The following AGPAT4 variants were observed in gnomAD, a reference collection of about 807,000 sequenced individuals.
AGPAT4 encodes 1-acylglycerol-3-phosphate O-acyltransferase 4, also known as 1-acyl-sn-glycerol-3-phosphate acyltransferase delta.
AGPAT4 carries 15 observed loss-of-function variants against 48.0 expected under a neutral mutation model. The observed-to-expected ratio is 0.31, with a 90% CI of 0.21 to 0.48. The LOEUF is 0.48. Ranked by LOEUF, AGPAT4 falls within the 20% of genes least tolerant of loss-of-function variation. The pLI is 0.99. For synonymous variants in AGPAT4, 178 were observed against 198.7 expected (o/e 0.90, Z 0.88); for missense variants, 314 against 482.5 (o/e 0.65, Z 3.27).
In AGPAT4 at chr6:161,139,751, A is replaced by C; in HGVS notation, c.844-131T>G. 3 of 727,784 alleles carry C rather than the reference A, an allele frequency of 4.1e-6. No homozygotes were observed. Among genetic ancestry groups the C allele is most frequent in the Non-Finnish European group, 6.7e-6 (3 of 449,864 alleles). The allele number at this position is 727,784 out of a possible 1,614,324, so 45.1% of individuals were successfully genotyped here. A position where few individuals can be genotyped will look rare whatever the true frequency, so the allele number is the denominator to read the frequency against. On this transcript the variant is annotated intron_variant, in intron 7 of 8. Coordinates refer to ENST00000320285, the MANE Select transcript of AGPAT4 (RefSeq NM_020133.3). The surrounding 1 kb of genome is among the most constrained non-coding windows in gnomAD (Gnocchi z 9.1). ...GGGGCTCGGCAGAACTGGGGTCTGC[A>C]GCTCCTTCCAGAAAGCACTTTGTAG...
rs1245719077 is a variant in AGPAT4 at position 161,259,929 on chromosome 6, C to T, written c.-90+14009G>A. The stretch of plus-strand genomic sequence containing the variant: ...TGAGTCACATCCTGGTTCTTGCTTC[C>T]CTTCTCAGACCCATCCAGGAGTTGC... On this transcript the variant is annotated intron_variant, in intron 1 of 8. Transcript: ENST00000320285. This position sits in a 1 kb window ranked among gnomAD's most constrained non-coding sequence, Gnocchi z 4.9. Among the ~76,000 whole-genome samples the T allele has an allele frequency of 1.3e-5, 2 of 152,192 alleles. No individual in the cohort carries two copies. Among genetic ancestry groups the T allele is most frequent in the African/African-American group, 4.8e-5 (2 of 41,450 alleles).
chr6:161,219,966 A>ACAGG lies in AGPAT4; in HGVS notation c.178+12066_178+12069dup, dbSNP rs200357662. ...GGCAGGCAGACAGACAGACAGACAG[A>ACAGG]CAGGCAGGCAGATAGATACATTTAA... On this transcript the variant is annotated intron_variant, in intron 2 of 8. Coordinates refer to ENST00000320285, the MANE Select transcript of AGPAT4 (RefSeq NM_020133.3). The surrounding 1 kb of genome is among the most constrained non-coding windows in gnomAD (Gnocchi z 4.9). 4.6e-5 allele frequency among the ~76,000 whole-genome samples: 7 copies of ACAGG among 150,736 alleles called. No individual in the cohort carries two copies. The highest frequency in any genetic ancestry group is 2.1e-4 in the South Asian group (1 of 4,778).
rs1391281472 is a variant in AGPAT4, at chr6:161,242,039, G to C, written c.-89-9737C>G. 1.3e-5 allele frequency among the ~76,000 whole-genome samples: 2 copies of C among 152,176 alleles called. No homozygotes were observed. The highest frequency in any genetic ancestry group is 4.8e-5 in the African/African-American group (2 of 41,454). On this transcript the variant is annotated intron_variant, in intron 1 of 8. Transcript: ENST00000320285. The surrounding 1 kb of genome is among the most constrained non-coding windows in gnomAD (Gnocchi z 5.0). ...TGAGCCACAGCACCTGGCCAAAAAT[G>C]TTTACAGTTAAACATCATAGGGCTT...
chr6:161,149,334 C>T lies in AGPAT4; in HGVS notation c.665-45G>A. 1.3e-6 allele frequency: 2 copies of T among 1,545,670 alleles called. No homozygotes were observed. Among genetic ancestry groups the T allele is most frequent in the South Asian group, 1.2e-5 (1 of 82,240 alleles). The stretch of plus-strand genomic sequence containing the variant: ...TACAAAGCAGTATATAGCGTGTGAA[C>T]CCAATTTTGTTCTGTAGATACACAC... On this transcript the variant is annotated intron_variant, in intron 5 of 8. Transcript: ENST00000320285. The surrounding 1 kb of genome is among the most constrained non-coding windows in gnomAD (Gnocchi z 6.5).
chr6:161,207,435 T>C (rs935508224), intron 2 of AGPAT4, among the ~76,000 whole-genome samples: 1 of 152,148 alleles, frequency 6.6e-6, no homozygotes, highest in African/African-American at 2.4e-5. Flanking sequence ...GGCCATGCTG[T>C]GAAGATGCTA....
chr6:161,236,352 C>T lies in AGPAT4; in HGVS notation c.-89-4050G>A, dbSNP rs1344956876. Among the ~76,000 whole-genome samples the T allele has an allele frequency of 2.0e-5, 3 of 152,120 alleles. No homozygotes were observed. The East Asian group carries it at 5.8e-4, about 29-fold the overall frequency. The stretch of plus-strand genomic sequence containing the variant: ...TGACAAAGTAAAGATGATGTATTGC[C>T]TTTTTCTGGGTTTTGGTACTCATGA... On this transcript the variant is annotated intron_variant, in intron 1 of 8. Transcript: ENST00000320285. The surrounding 1 kb of genome is among the most constrained non-coding windows in gnomAD (Gnocchi z 5.0).
rs1779172854 is a variant in AGPAT4 at position 161,139,233 on chromosome 6, G to A, written c.1042+189C>T. Among the ~76,000 whole-genome samples the A allele has an allele frequency of 6.6e-6, 1 of 152,180 alleles. No homozygotes were observed. The highest frequency in any genetic ancestry group is 2.1e-4 in the South Asian group (1 of 4,826). The stretch of plus-strand genomic sequence containing the variant: ...GGCTGGACCGTCCAGGCTGCGGAGG[G>A]GGTCCCAGGCCTGGTATTCGAGGGC... On this transcript the variant is annotated intron_variant, in intron 8 of 8. Transcript: ENST00000320285. The surrounding 1 kb of genome is among the most constrained non-coding windows in gnomAD (Gnocchi z 9.1).
rs1293871211 is a variant in AGPAT4 at position 161,154,383 on chromosome 6, G to T, written c.349-73C>A. The T allele has an allele frequency of 3.2e-6, 5 of 1,574,784 alleles. No homozygotes were observed. In the African/African-American group the frequency reaches 5.4e-5, roughly 17 times the overall value. On this transcript the variant is annotated intron_variant, in intron 3 of 8. Transcript: ENST00000320285. The surrounding 1 kb of genome is among the most constrained non-coding windows in gnomAD (Gnocchi z 7.8). ...CCACCTGCCGGGGCTGTTGGAGACT[G>T]AAGTAGAAAAAGAGGAGGGGACGTT...
In AGPAT4 at chr6:161,219,953, GACAGA is replaced by G. The variant is rs1781788243; in HGVS notation, c.178+12078_178+12082del. On this transcript the variant is annotated intron_variant, in intron 2 of 8. Transcript: ENST00000320285. The surrounding 1 kb of genome is among the most constrained non-coding windows in gnomAD (Gnocchi z 4.9). ...AGGCAGGCAGGCAGGCAGGCAGACAGACAGACAGACAGACAGGCAGGCAGATAGAT... is the reference window on the plus strand; with the variant it reads ...AGGCAGGCAGGCAGGCAGGCAGACAGCAGACAGACAGGCAGGCAGATAGAT... Among the ~76,000 whole-genome samples, 2 of 151,926 alleles carry G rather than the reference GACAGA, an allele frequency of 1.3e-5. No homozygotes were observed. Among genetic ancestry groups the G allele is most frequent in the Non-Finnish European group, 2.9e-5 (2 of 67,988 alleles).
At position 161,138,063 on chromosome 6, in the gene AGPAT4, G is replaced by C. The variant is rs1172011784; in HGVS notation, c.1042+1359C>G. 6.6e-6 allele frequency among the ~76,000 whole-genome samples: 1 copy of C among 152,186 alleles called. No individual in the cohort carries two copies. The highest frequency in any genetic ancestry group is 1.5e-5 in the Non-Finnish European group (1 of 68,030). On this transcript the variant is annotated intron_variant, in intron 8 of 8. Coordinates refer to ENST00000320285, the MANE Select transcript of AGPAT4 (RefSeq NM_020133.3). This position sits in a 1 kb window ranked among gnomAD's most constrained non-coding sequence, Gnocchi z 4.8. ...CTTGCTGTTGCCTGCTATTGAAGCA[G>C]AAGGGTTGAGCTTGCCCCCGCCCTA...
rs1779243016 is a variant in AGPAT4, at chr6:161,141,309, A to G, written c.844-1689T>C. Among the ~76,000 whole-genome samples the G allele has an allele frequency of 6.6e-6, 1 of 152,000 alleles. No individual in the cohort carries two copies. The highest frequency in any genetic ancestry group is 1.5e-5 in the Non-Finnish European group (1 of 68,008). On this transcript the variant is annotated intron_variant, in intron 7 of 8. Transcript: ENST00000320285. The surrounding 1 kb of genome is among the most constrained non-coding windows in gnomAD (Gnocchi z 6.7). Reference sequence around the variant, plus strand: ...GAGAAGCCATGGGGGCTCTCAGGGGAAGTCACATCATCAAGCAACTGAAGA... The same window carrying G: ...GAGAAGCCATGGGGGCTCTCAGGGGGAGTCACATCATCAAGCAACTGAAGA...
Position 161,136,569 on chromosome 6 carries a change from A to G in AGPAT4, c.1108T>C (p.Ser370Pro). 6.2e-7 allele frequency: 1 copy of G among 1,614,196 alleles called. No homozygotes were observed. Among genetic ancestry groups the G allele is most frequent in the Non-Finnish European group, 8.5e-7 (1 of 1,180,040 alleles). The change falls in exon 9 of 9, where the codon TCT becomes CCT. Residue 370 changes from serine (S) to proline (P), a missense_variant. Physicochemically the swap from Ser to Pro is moderately conservative, Grantham distance 74. Transcript: ENST00000320285. ...TCATTCAGTTTCTGCTTGCTGTCAG[A>G]GTTGCCGTAGGCAGAGCCCTTGTCA... ...EIDKGSAYGN[S>P]DSKQKLND is the part of the protein sequence containing the mutation.
intron 1 of AGPAT4, among the ~76,000 whole-genome samples, chr6:161,269,233 C>G (rs1783354416): frequency 6.6e-6 from 1 of 151,946 alleles, no homozygotes; most frequent in South Asian, 2.1e-4. Flanking sequence ...ATACACAAGC[C>G]TTCTCTTCCT....
chr6:161,139,642 C>A lies in AGPAT4; in HGVS notation c.844-22G>T. 1 of 1,573,538 alleles carries A rather than the reference C, an allele frequency of 6.4e-7. No homozygotes were observed. Among genetic ancestry groups the A allele is most frequent in the Non-Finnish European group, 8.7e-7 (1 of 1,154,298 alleles). On this transcript the variant is annotated intron_variant, in intron 7 of 8. Coordinates refer to ENST00000320285, the MANE Select transcript of AGPAT4 (RefSeq NM_020133.3). The surrounding 1 kb of genome is among the most constrained non-coding windows in gnomAD (Gnocchi z 9.1). ...CATCCTGGGGGACAGGAAAGAGGACCCTCAGACGCCACACGGGGCTCGGTG... is the reference window on the plus strand; with the variant it reads ...CATCCTGGGGGACAGGAAAGAGGACACTCAGACGCCACACGGGGCTCGGTG...
intron 2 of AGPAT4, among the ~76,000 whole-genome samples, chr6:161,192,124 A>C (rs1351174389): frequency 3.0e-5 from 2 of 66,662 alleles, no homozygotes; most frequent in Non-Finnish European, 3.2e-5. Context: ...TTTTCCCTCT[A>C]CTAGTTTAGA....
At position 161,240,027 on chromosome 6, in the gene AGPAT4, G is replaced by A. The variant is rs1179196503; in HGVS notation, c.-89-7725C>T. 1.3e-5 allele frequency among the ~76,000 whole-genome samples: 2 copies of A among 152,008 alleles called. No homozygotes were observed. Among genetic ancestry groups the A allele is most frequent in the East Asian group, 3.8e-4 (2 of 5,196 alleles). On this transcript the variant is annotated intron_variant, in intron 1 of 8. Transcript: ENST00000320285. This position sits in a 1 kb window ranked among gnomAD's most constrained non-coding sequence, Gnocchi z 5.5. Reference sequence around the variant, plus strand: ...TTCTGACATAAGGAAACAAAAAACTGAATTATGGAAGACCCACCAAATGGA... The same window carrying A: ...TTCTGACATAAGGAAACAAAAAACTAAATTATGGAAGACCCACCAAATGGA...
chr6:161,210,747 C>T (rs913623349), intron 2 of AGPAT4, among the ~76,000 whole-genome samples: 3 of 152,066 alleles, frequency 2.0e-5, no homozygotes, highest in Admixed American at 2.0e-4. Flanking sequence ...CATACTTATC[C>T]CTGCCAAATA....
At chr6:161,167,893 T>C (rs976795722) in intron 2 of AGPAT4, among the ~76,000 whole-genome samples, 5 of 152,318 alleles carry the variant, frequency 3.3e-5, no homozygotes, top group Middle Eastern at 6.8e-3. Flanking sequence ...GTAGAGCACA[T>C]TGTAAGTTCC....
At chr6:161,210,450 C>T (rs868469782) in intron 2 of AGPAT4, among the ~76,000 whole-genome samples, 2 of 152,122 alleles carry the variant, frequency 1.3e-5, no homozygotes, top group East Asian at 1.9e-4. Flanking sequence ...GTACTTCTAT[C>T]GGCATGCCTA....
Sources: allele counts gnomAD v4.1 joint callset (sites outside exome capture counted in the v4.1 genomes callset), GRCh38; gene constraint gnomAD v4.1.1; non-coding constraint Gnocchi (gnomAD v3.1); transcripts MANE v1.5; gene names NCBI Gene and HGNC (gene_info 2026-07-23, HGNC 2026-07-21).